Variants in NCAM1 observed in about 807,000 individuals in gnomAD.
The protein encoded by NCAM1 is antigen recognized by monoclonal antibody 5.1H11.
In NCAM1, 14 loss-of-function variants were observed where a neutral mutation model predicts 109.8. That is an observed-to-expected ratio of 0.13 (90% CI 0.08 to 0.20). The LOEUF is 0.20. NCAM1 is among the 10% of genes least tolerant of loss of function. NCAM1 has a pLI of 1.00. For missense variants in NCAM1, 774 were observed against 1,109.9 expected, an observed-to-expected ratio of 0.70 and a Z score of 4.30; for synonymous variants, 418 against 442.9, an observed-to-expected ratio of 0.94 and a Z score of 0.70.
rs781831035 is a variant in NCAM1, at chr11:113,231,251, C to T, written c.1090-394C>T. 3 of 1,536,108 alleles carry T rather than the reference C, an allele frequency of 2.0e-6. No homozygotes were observed. In the South Asian group the frequency reaches 3.6e-5, roughly 18 times the overall value. On this transcript the variant is annotated intron_variant, in intron 9 of 19. Coordinates refer to ENST00000316851, the MANE Select transcript of NCAM1 (RefSeq NM_181351.5). The stretch of plus-strand genomic sequence containing the variant: ...AGACAGAAAGGACAGGCTGGCAGTG[C>T]AGGTTTCCCAGGATCTCATGAGGTA...
chr11:113,110,348 A>G (rs1181462310), intron 1 of NCAM1, among the ~76,000 whole-genome samples: 1 of 152,198 alleles, frequency 6.6e-6, no homozygotes, highest in East Asian at 1.9e-4. Context: ...ATCTCTGACA[A>G]CTGAAAACCT....
chr11:113,054,434 C>T (rs781991427), intron 1 of NCAM1, among the ~76,000 whole-genome samples: 7 of 152,128 alleles, frequency 4.6e-5, no homozygotes, highest in African/African-American at 7.2e-5. Context: ...AGAACCTGGT[C>T]CTCCCCTCGA....
intron 1 of NCAM1, among the ~76,000 whole-genome samples, chr11:113,069,036 T>G (rs113741297): frequency 2.0e-5 from 3 of 152,224 alleles, no homozygotes; most frequent in African/African-American, 7.2e-5. Flanking sequence ...ATTTATTGAT[T>G]TACAGATATT....
At chr11:113,219,018 T>G (rs1944610573) in intron 8 of NCAM1, among the ~76,000 whole-genome samples, 2 of 152,184 alleles carry the variant, frequency 1.3e-5, no homozygotes, top group Admixed American at 1.3e-4. Flanking sequence ...CCGTGGATGA[T>G]GATTTACGTA....
chr11:113,141,643 G>A (rs182609033), intron 1 of NCAM1, among the ~76,000 whole-genome samples: 423 of 152,184 alleles, frequency 2.8e-3, no homozygotes, highest in Non-Finnish European at 4.9e-3. Flanking sequence ...GGGAGACTCC[G>A]TCTCAAAACA....
chr11:113,081,152 G>A (rs1280411930), intron 1 of NCAM1, among the ~76,000 whole-genome samples: 4 of 152,196 alleles, frequency 2.6e-5, no homozygotes, highest in Non-Finnish European at 5.9e-5. Context: ...GGGGATGCCC[G>A]TAAGAGGGGT....
At chr11:113,166,325 A>T (rs1942795973) in intron 1 of NCAM1, among the ~76,000 whole-genome samples, 1 of 152,212 alleles carries the variant, frequency 6.6e-6, no homozygotes, top group East Asian at 1.9e-4. Context: ...GGATTTGCAG[A>T]TGAGGGACTC....
chr11:113,227,821 A>C (rs1944894984), intron 9 of NCAM1, among the ~76,000 whole-genome samples: 1 of 152,260 alleles, frequency 6.6e-6, no homozygotes, highest in Non-Finnish European at 1.5e-5. Flanking sequence ...AAACAGAACC[A>C]AAGACAAAAA....
At chr11:113,044,598 T>C (rs1555080489) in intron 1 of NCAM1, among the ~76,000 whole-genome samples, 1 of 151,850 alleles carries the variant, frequency 6.6e-6, no homozygotes, top group African/African-American at 2.4e-5. Context: ...CGTAGGAGAA[T>C]CACTTGAATC....
chr11:113,170,062 A>G (rs1555105958), intron 1 of NCAM1, among the ~76,000 whole-genome samples: 1 of 152,104 alleles, frequency 6.6e-6, no homozygotes, highest in East Asian at 1.9e-4. Context: ...TTTCTTGCAA[A>G]TTATATTTAT....
intron 1 of NCAM1, among the ~76,000 whole-genome samples, chr11:113,030,393 T>C (rs1952679773): frequency 6.6e-6 from 1 of 152,224 alleles, no homozygotes; most frequent in Non-Finnish European, 1.5e-5. Flanking sequence ...CTCTCAACTC[T>C]GTGATAAGAG....
At chr11:113,063,979 T>C (rs1937809232) in intron 1 of NCAM1, among the ~76,000 whole-genome samples, 1 of 152,232 alleles carries the variant, frequency 6.6e-6, no homozygotes, top group South Asian at 2.1e-4. Flanking sequence ...CTTTGCCAAA[T>C]GTAGTCATAT....
intron 1 of NCAM1, among the ~76,000 whole-genome samples, chr11:113,088,485 G>T (rs1460946715): frequency 6.6e-6 from 1 of 152,298 alleles, no homozygotes; most frequent in Admixed American, 6.5e-5. Flanking sequence ...AGTCCAAACT[G>T]ACTGACCATG....
intron 1 of NCAM1, among the ~76,000 whole-genome samples, chr11:113,105,657 C>T: frequency 6.6e-6 from 1 of 152,028 alleles, no homozygotes; most frequent in East Asian, 1.9e-4. Context: ...TGAAAGAAGC[C>T]AGATAAAAAT....
intron 15 of NCAM1, among the ~76,000 whole-genome samples, chr11:113,253,230 G>C (rs567035769): frequency 6.6e-6 from 1 of 152,146 alleles, no homozygotes; most frequent in African/African-American, 2.4e-5. Context: ...AAGAGACTTG[G>C]GGGTCTCTTT....
chr11:113,203,995 C>G (rs1944156141), intron 2 of NCAM1, among the ~76,000 whole-genome samples: 1 of 152,208 alleles, frequency 6.6e-6, no homozygotes, highest in Non-Finnish European at 1.5e-5. Flanking sequence ...ATGTTCTCAA[C>G]AAGTATCTCT....
chr11:113,195,910 GGTGTGTGT>G (rs58873545), intron 1 of NCAM1, among the ~76,000 whole-genome samples: 7 of 148,398 alleles, frequency 4.7e-5, no homozygotes, highest in East Asian at 4.0e-4. Context: ...TTGTTTGCAG[GGTGTGTGT>G]GTGTGTGTGT....
chr11:113,044,420 C>T (rs989442883), intron 1 of NCAM1, among the ~76,000 whole-genome samples: 6 of 152,152 alleles, frequency 3.9e-5, no homozygotes, highest in Admixed American at 6.5e-5. Flanking sequence ...TGTGGTGGCT[C>T]ATGCCTGCAA....
At chr11:113,179,024 G>T (rs147393547) in intron 1 of NCAM1, among the ~76,000 whole-genome samples, 2 of 152,122 alleles carry the variant, frequency 1.3e-5, no homozygotes, top group Non-Finnish European at 2.9e-5. Flanking sequence ...TCAACCATAC[G>T]CATCTCTTCC....
Sources: gnomAD v4.1 joint callset for allele counts (sites outside exome capture counted in the v4.1 genomes callset) on GRCh38, gnomAD v4.1.1 for gene constraint, MANE v1.5 for transcripts, NCBI Gene and HGNC (gene_info 2026-07-23, HGNC 2026-07-21) for gene names.